The following AGTPBP1 variants were observed in gnomAD, a reference collection of about 807,000 sequenced individuals.
AGTPBP1 encodes cytosolic carboxypeptidase 1.
In AGTPBP1, 70 loss-of-function variants were observed where a neutral mutation model predicts 143.9. That is an observed-to-expected ratio of 0.49 (90% CI 0.40 to 0.59). AGTPBP1 has a LOEUF of 0.59. AGTPBP1 is among the 20% of genes least tolerant of loss of function. The pLI is 0.00. For missense variants in AGTPBP1, 1,229 were observed against 1,464.5 expected (o/e 0.84, Z 2.62); for synonymous variants, 463 against 500.2 (o/e 0.93, Z 0.99).
chr9:85,558,344 T>C (rs1158776280), intron 25 of AGTPBP1, among the ~76,000 whole-genome samples: 1 of 152,104 alleles, frequency 6.6e-6, no homozygotes, highest in Non-Finnish European at 1.5e-5. Flanking sequence ...GACTGCTTAA[T>C]TGGTATGAGG....
chr9:85,620,982 C>T (rs189187541), intron 15 of AGTPBP1, among the ~76,000 whole-genome samples: 28 of 152,214 alleles, frequency 1.8e-4, no homozygotes, highest in African/African-American at 6.3e-4. Flanking sequence ...AACAAAATCT[C>T]GTGATAGAGT....
chr9:85,749,069 C>T, the AGTPBP1 span, among the ~76,000 whole-genome samples: 3 of 136,838 alleles, frequency 2.2e-5, no homozygotes, highest in Admixed American at 8.1e-5. Context: ...GTGGTGTGAT[C>T]GTGGCTCACT....
Position 85,617,893 on chromosome 9 carries a change from C to A in AGTPBP1, c.2335+1090G>T, listed in dbSNP as rs180766119. 9.2e-5 allele frequency among the ~76,000 whole-genome samples: 14 copies of A among 152,238 alleles called. No individual in the cohort carries two copies. In the East Asian group the frequency reaches 2.5e-3, roughly 27 times the overall value. ...AATTCCTAAAAAGCACAAACTACCA[C>A]AACTCACTCAAGATAAAAGAGGTAA... is the stretch of plus-strand genomic sequence containing the variant. On this transcript the variant is annotated intron_variant, in intron 17 of 25. Coordinates refer to ENST00000357081, the MANE Select transcript of AGTPBP1 (RefSeq NM_001330701.2).
At chr9:85,616,086 T>C (rs143014002) in intron 17 of AGTPBP1, among the ~76,000 whole-genome samples, 177 of 152,134 alleles carry the variant, frequency 1.2e-3, no homozygotes, top group African/African-American at 3.9e-3. Flanking sequence ...TATATGTAAG[T>C]AGAAATCATA....
At chr9:85,782,286 G>A in the AGTPBP1 span, among the ~76,000 whole-genome samples, 6 of 152,284 alleles carry the variant, frequency 3.9e-5, no homozygotes, top group African/African-American at 1.4e-4. Context: ...AGGCCAAGGC[G>A]GGTGGATCAC....
At chr9:85,641,760 G>A (rs1045357283) in intron 13 of AGTPBP1, among the ~76,000 whole-genome samples, 12 of 151,818 alleles carry the variant, frequency 7.9e-5, no homozygotes, top group Admixed American at 5.2e-4. Flanking sequence ...GAGTGCAGTG[G>A]TGCGATCTTG....
chr9:85,720,387 T>C (rs1838024928), intron 1 of AGTPBP1, among the ~76,000 whole-genome samples: 1 of 152,188 alleles, frequency 6.6e-6, no homozygotes, highest in South Asian at 2.1e-4. Context: ...GGTTTAGTCT[T>C]GGGAGGGTGT....
At chr9:85,572,904 G>A (rs1209644558) in intron 25 of AGTPBP1, among the ~76,000 whole-genome samples, 2 of 152,222 alleles carry the variant, frequency 1.3e-5, no homozygotes, top group East Asian at 3.9e-4. Context: ...CTACTATACT[G>A]ACATATACAA....
At chr9:85,601,259 T>C (rs1245527843) in intron 17 of AGTPBP1, among the ~76,000 whole-genome samples, 1 of 152,152 alleles carries the variant, frequency 6.6e-6, no homozygotes, top group Non-Finnish European at 1.5e-5. Context: ...CCAGCACTGC[T>C]GCTGCCCTCA....
chr9:85,755,962 A>G, the AGTPBP1 span: 1,238 of 865,180 alleles, frequency 1.4e-3, 3 homozygotes, highest in Non-Finnish European at 1.9e-3. Flanking sequence ...TCTAAGTGAT[A>G]GTTTTTAAAT....
chr9:85,760,200 G>A, the AGTPBP1 span, among the ~76,000 whole-genome samples: 17 of 152,252 alleles, frequency 1.1e-4, no homozygotes, highest in East Asian at 1.7e-3. Context: ...ACAAGGAGGA[G>A]CTGGTACCAT....
chr9:85,625,037 A>G (rs377264907), intron 14 of AGTPBP1, among the ~76,000 whole-genome samples: 3 of 152,374 alleles, frequency 2.0e-5, no homozygotes, highest in African/African-American at 7.2e-5. Context: ...CTTGACAAAT[A>G]GGCACTTGAG....
chr9:85,718,575 T>G (rs1364522838), intron 1 of AGTPBP1, among the ~76,000 whole-genome samples: 2 of 152,250 alleles, frequency 1.3e-5, no homozygotes, highest in African/African-American at 4.8e-5. Context: ...ATTAGCCCTT[T>G]GTCAGATAGG....
chr9:85,652,590 A>G (rs1266534003), intron 11 of AGTPBP1, among the ~76,000 whole-genome samples: 2 of 152,180 alleles, frequency 1.3e-5, no homozygotes, highest in Non-Finnish European at 2.9e-5. Context: ...TGGCATACCT[A>G]GAGAGGGCAT....
At chr9:85,631,088 C>T (rs1423841354) in intron 14 of AGTPBP1, among the ~76,000 whole-genome samples, 1 of 152,208 alleles carries the variant, frequency 6.6e-6, no homozygotes, top group Non-Finnish European at 1.5e-5. Context: ...CTTTTCCCCT[C>T]ACCTGCTGGT....
At chr9:85,801,474 A>AT in the AGTPBP1 span, among the ~76,000 whole-genome samples, 3 of 152,282 alleles carry the variant, frequency 2.0e-5, no homozygotes, top group Non-Finnish European at 4.4e-5. Flanking sequence ...GATTTTGAAC[A>AT]TTCACTGTGC....
At chr9:85,595,806 C>T (rs1291874438) in intron 18 of AGTPBP1, among the ~76,000 whole-genome samples, 1 of 152,146 alleles carries the variant, frequency 6.6e-6, no homozygotes, top group South Asian at 2.1e-4. Context: ...GGATTACAGG[C>T]ATGAGCCACC....
chr9:85,623,002 G>A (rs976819985), intron 14 of AGTPBP1, among the ~76,000 whole-genome samples: 8 of 152,146 alleles, frequency 5.3e-5, no homozygotes, highest in African/African-American at 1.7e-4. Flanking sequence ...AAAATGTTAT[G>A]AGAAGCTAGT....
chr9:85,588,123 C>CTAA (rs1828729960), intron 21 of AGTPBP1, among the ~76,000 whole-genome samples, 175 bp downstream of exon 21: 1 of 152,052 alleles, frequency 6.6e-6, no homozygotes, highest in African/African-American at 2.4e-5. Flanking sequence ...TTTCATATCG[C>CTAA]TAATAGTATC....
Sources: allele counts gnomAD v4.1 joint callset (sites outside exome capture counted in the v4.1 genomes callset), GRCh38; gene constraint gnomAD v4.1.1; transcripts MANE v1.5; gene names NCBI Gene and HGNC (gene_info 2026-07-23, HGNC 2026-07-21).